Variants in GPHB5 observed in about 807,000 individuals in gnomAD.
GPHB5 encodes glycoprotein hormone subunit beta 5.
GPHB5 carries 7 observed loss-of-function variants against 10.1 expected under a neutral mutation model. The observed-to-expected ratio is 0.69, with a 90% confidence interval of 0.39 to 1.30. GPHB5 has a LOEUF of 1.30. Among genes scored for constraint, GPHB5 ranks in the 50% most tolerant of loss-of-function variants. GPHB5 has a pLI of 0.01. For synonymous variants in GPHB5, 68 were observed against 70.1 expected, an observed-to-expected ratio of 0.97 and a Z score of 0.15; for missense variants, 161 against 169.8, an observed-to-expected ratio of 0.95 and a Z score of 0.29.
Position 63,312,846 on chromosome 14 carries a change from G to A in GPHB5, c.*82C>T, listed in dbSNP as rs570150103. On this transcript the variant is annotated 3_prime_UTR_variant, in exon 3 of 3. Transcript: ENST00000621500. ...GGTAACCTCCTCCATGGGTGTGGTC[G>A]AAATTAAACAGTCTTGCATCCAGGA... 263 of 1,322,180 alleles carry A rather than the reference G, an allele frequency of 2.0e-4. 1 individual carries two copies. The African/African-American group carries it at 2.5e-3, about 12-fold the overall frequency. 81.9% of individuals were successfully genotyped at this position (1,322,180 alleles called of 1,614,324 possible).
chr14:63,313,155 A>T, intron 2 of GPHB5, 39 bp from the exon 3 acceptor site: 1 of 1,459,170 alleles, frequency 6.9e-7, no homozygotes, highest in Non-Finnish European at 9.2e-7. Flanking sequence ...TCATTAGAAC[A>T]TATGATCTTG....
chr14:63,313,011 C>T lies in GPHB5; in HGVS notation c.310G>A (p.Asp104Asn). Residue 104 changes from aspartate (D) to asparagine (N), a missense_variant, in exon 3 of 3, where the codon GAC becomes AAC. By Grantham distance (23) the Asp-to-Asn change is conservative. Coordinates refer to ENST00000621500, the MANE Select transcript of GPHB5 (RefSeq NM_145171.4). ...VKLPNCAPGVDPFYTYPVAIR... is the reference protein window; with the variant it reads ...VKLPNCAPGVNPFYTYPVAIR... ...GCCACGGGATAGGTGTAGAAGGGGTCGACTCCCGGGGCACAGTTGGGCAGC... is the reference window on the plus strand; with the variant it reads ...GCCACGGGATAGGTGTAGAAGGGGTTGACTCCCGGGGCACAGTTGGGCAGC... The T allele has an allele frequency of 3.2e-6, 5 of 1,585,708 alleles. No homozygotes were observed. The highest frequency in any genetic ancestry group is 2.7e-5 in the African/African-American group (2 of 74,526).
In GPHB5 at chr14:63,317,674, G is replaced by T; in HGVS notation, c.176C>A (p.Ala59Asp). 6.2e-7 allele frequency: 1 copy of T among 1,613,998 alleles called. No individual in the cohort carries two copies. The highest frequency in any genetic ancestry group is 8.5e-7 in the Non-Finnish European group (1 of 1,179,898). ...CCAGGTCTCACAGCGACCCCAGCAG[G>T]CATCCGTGGTGATCCGAAGGCCCCT... Reference protein sequence around the residue: ...GCRGLRITTDACWGRCETWEK... With the variant: ...GCRGLRITTDDCWGRCETWEK... Residue 59 changes from alanine (A) to aspartate (D), a missense_variant, in exon 2 of 3, where the codon GCC (alanine) becomes GAC (aspartate). Coordinates refer to ENST00000621500, the MANE Select transcript of GPHB5 (RefSeq NM_145171.4).
At chr14:63,314,396 A>G (rs916701219) in intron 2 of GPHB5, among the ~76,000 whole-genome samples, 23 of 152,122 alleles carry the variant, frequency 1.5e-4, no homozygotes, top group African/African-American at 5.3e-4. Context: ...CAATGTCTAG[A>G]ACAAAGTAAA....
At chr14:63,317,873 G>A in intron 1 of GPHB5, 23 bp from the exon 2 acceptor site, 1 of 1,611,108 alleles carries the variant, frequency 6.2e-7, no homozygotes. Context: ...AGAGGGAAAG[G>A]ACAGAGTTTA....
rs778661616 is a variant in GPHB5, at chr14:63,317,804, G to C, written c.46C>G (p.Leu16Val). 2 of 1,613,976 alleles carry C rather than the reference G, an allele frequency of 1.2e-6. No homozygotes were observed. Among genetic ancestry groups the C allele is most frequent in the Non-Finnish European group, 1.7e-6 (2 of 1,179,918 alleles). The change falls in exon 2 of 3, where the codon CTG (leucine) becomes GTG (valine). Residue 16 changes from leucine to valine, a missense_variant. Coordinates refer to ENST00000621500, the MANE Select transcript of GPHB5 (RefSeq NM_145171.4). ...LFLGPMALLL[L>V]AGYGCVLGAS... ...CCGAGGACACAGCCATAGCCAGCCA[G>C]AAGGAGGAGGGCCATGGGGCCAAGG...
intron 2 of GPHB5, among the ~76,000 whole-genome samples, chr14:63,314,905 C>CT (rs71120257): frequency 0.11 from 8,055 of 75,182 alleles, 584 homozygotes; most frequent in African/African-American, 0.33. Flanking sequence ...TTTCTTTTTT[C>CT]TTTTTTTTTT....
At position 63,317,670 on chromosome 14, in the gene GPHB5, G is replaced by A. The variant is rs1882793389; in HGVS notation, c.180C>T (p.Cys60=). ...CRGLRITTDA[C]WGRCETWEKP... ...CCTCCCAGGTCTCACAGCGACCCCA[G>A]CAGGCATCCGTGGTGATCCGAAGGC... The change falls in exon 2 of 3, where the codon TGC becomes TGT. Residue 60 remains cysteine, a synonymous_variant. Transcript: ENST00000621500. The A allele has an allele frequency of 6.2e-7, 1 of 1,614,000 alleles. No individual in the cohort carries two copies. Among genetic ancestry groups the A allele is most frequent in the Non-Finnish European group, 8.5e-7 (1 of 1,179,878 alleles).
At chr14:63,316,621 T>A (rs1206655189) in intron 2 of GPHB5, among the ~76,000 whole-genome samples, 4 of 151,904 alleles carry the variant, frequency 2.6e-5, no homozygotes, top group Non-Finnish European at 5.9e-5. Flanking sequence ...CAGGAATAAA[T>A]ATGATAATGA....
In GPHB5 at chr14:63,317,792, C is replaced by G; in HGVS notation, c.58G>C (p.Gly20Arg). Residue 20 changes from glycine to arginine, a missense_variant, in exon 2 of 3, where the codon GGC becomes CGC. By Grantham distance (125) the Gly-to-Arg change is moderately radical. Transcript: ENST00000621500. ...CCACTGGAGGCACCGAGGACACAGCCATAGCCAGCCAGAAGGAGGAGGGCC... is the reference window on the plus strand; with the variant it reads ...CCACTGGAGGCACCGAGGACACAGCGATAGCCAGCCAGAAGGAGGAGGGCC... ...PMALLLLAGY[G>R]CVLGASSGNL... 6.2e-7 allele frequency: 1 copy of G among 1,614,058 alleles called. No individual in the cohort carries two copies.
intron 2 of GPHB5, among the ~76,000 whole-genome samples, chr14:63,316,901 G>C (rs1882780335): frequency 6.6e-6 from 1 of 152,180 alleles, no homozygotes; most frequent in Non-Finnish European, 1.5e-5. Flanking sequence ...TCAGGGGGAA[G>C]AGCCCACAGT....
chr14:63,314,268 T>C (rs1882727823), intron 2 of GPHB5, among the ~76,000 whole-genome samples: 1 of 151,658 alleles, frequency 6.6e-6, no homozygotes, highest in Non-Finnish European at 1.5e-5. Context: ...TGCCACTTGC[T>C]GGAGACCTTG....
At chr14:63,314,849 A>T (rs1404506614) in intron 2 of GPHB5, among the ~76,000 whole-genome samples, 2 of 136,416 alleles carry the variant, frequency 1.5e-5, no homozygotes, top group African/African-American at 5.9e-5. Context: ...GTAACTCAAG[A>T]TGTTCTTGCA....
At chr14:63,315,992 G>A (rs1882763831) in intron 2 of GPHB5, among the ~76,000 whole-genome samples, 1 of 152,202 alleles carries the variant, frequency 6.6e-6, no homozygotes, top group African/African-American at 2.4e-5. Context: ...GGCACAGAGA[G>A]GGCTTCAAAT....
At chr14:63,317,499 T>C in intron 2 of GPHB5, 147 bp downstream of exon 2, 1 of 685,242 alleles carries the variant, frequency 1.5e-6, no homozygotes, top group East Asian at 2.7e-5. Context: ...AAGATGCCAA[T>C]CATAGTTTTG....
chr14:63,317,151 G>A (rs1407638075), intron 2 of GPHB5, among the ~76,000 whole-genome samples: 1 of 152,188 alleles, frequency 6.6e-6, no homozygotes, highest in African/African-American at 2.4e-5. Context: ...AAGAGGCAGT[G>A]AAGGGGTCTC....
intron 2 of GPHB5, among the ~76,000 whole-genome samples, chr14:63,314,930 G>GTC (rs1882745419): frequency 7.3e-6 from 1 of 136,586 alleles, no homozygotes; most frequent in African/African-American, 2.8e-5. Flanking sequence ...TTGAGATGGA[G>GTC]TCTCACTCTG....
At chr14:63,316,918 G>A (rs752466928) in intron 2 of GPHB5, among the ~76,000 whole-genome samples, 2 of 152,190 alleles carry the variant, frequency 1.3e-5, no homozygotes, top group African/African-American at 4.8e-5. Context: ...CAGTCACTAC[G>A]TAATGTGATC....
At chr14:63,316,929 T>C (rs1882780872) in intron 2 of GPHB5, among the ~76,000 whole-genome samples, 1 of 152,224 alleles carries the variant, frequency 6.6e-6, no homozygotes, top group African/African-American at 2.4e-5. Context: ...TAATGTGATC[T>C]GCTGGGGTGC....
Sources: allele counts gnomAD v4.1 joint callset (sites outside exome capture counted in the v4.1 genomes callset), GRCh38; gene constraint gnomAD v4.1.1; transcripts MANE v1.5; gene names NCBI Gene and HGNC (gene_info 2026-07-23, HGNC 2026-07-21).